KCNH5: variants seen among roughly 807,000 people sequenced by gnomAD.
KCNH5 encodes potassium voltage-gated channel subfamily H member 5.
Under a neutral mutation model 96.1 loss-of-function variants are expected in KCNH5, and 46 were observed. That is an observed-to-expected ratio of 0.48 (90% CI 0.38 to 0.61). The LOEUF (loss-of-function observed/expected upper bound fraction) is 0.61, where lower values mean the gene tolerates loss of function less well. Among genes scored for constraint, KCNH5 ranks in the 20% least tolerant of loss-of-function variants. KCNH5 has a pLI of 0.00. For synonymous variants in KCNH5, 439 were observed against 449.8 expected (o/e 0.98, Z 0.30); for missense variants, 907 against 1,225.8 (o/e 0.74, Z 3.88).
chr14:62,857,295 GA>G (rs1887948583), intron 7 of KCNH5, among the ~76,000 whole-genome samples: 1 of 152,026 alleles, frequency 6.6e-6, no homozygotes, highest in Non-Finnish European at 1.5e-5. Context: ...TTGTTTACTT[GA>G]AAAAATTATA....
At chr14:62,814,780 C>T (rs1405532100) in intron 8 of KCNH5, among the ~76,000 whole-genome samples, 1 of 20,364 alleles carries the variant, frequency 4.9e-5, no homozygotes, top group African/African-American at 1.4e-4. Flanking sequence ...GAGACTCCAT[C>T]TCAAAAAAAA....
At position 62,764,592 on chromosome 14, in the gene KCNH5, G is replaced by C. The variant is rs528878319; in HGVS notation, c.2019+15136C>G. Among the ~76,000 whole-genome samples the C allele has an allele frequency of 1.3e-3, 205 of 152,272 alleles. 1 individual carries two copies. Among genetic ancestry groups the C allele is most frequent in the South Asian group, 1.2e-3 (6 of 4,826 alleles). On this transcript the variant is annotated intron_variant, in intron 10 of 10. Transcript: ENST00000322893. The stretch of plus-strand genomic sequence containing the variant: ...GAGGAAGTCAAACTATCTCTTCCTA[G>C]ATTATATGATTTTATACTTAGAAAC...
At chr14:63,022,472 T>C (rs555062287) in intron 1 of KCNH5, among the ~76,000 whole-genome samples, 145 of 151,786 alleles carry the variant, frequency 9.6e-4, no homozygotes, top group African/African-American at 3.4e-3. Flanking sequence ...TTGTTTGTTT[T>C]TCAAAAAACT....
intron 7 of KCNH5, among the ~76,000 whole-genome samples, chr14:62,861,553 CAT>C (rs201838095): frequency 0.024 from 3,701 of 151,866 alleles, 49 homozygotes; most frequent in Middle Eastern, 0.051. Context: ...GCTGATGACA[CAT>C]GTCTTTGTCG....
chr14:63,009,942 A>G (rs192050390), intron 2 of KCNH5, among the ~76,000 whole-genome samples: 1 of 152,238 alleles, frequency 6.6e-6, no homozygotes. Context: ...ATAATTTTCC[A>G]TAGTTTTCAT....
At chr14:62,910,001 T>C (rs1351234689) in intron 7 of KCNH5, among the ~76,000 whole-genome samples, 3 of 152,142 alleles carry the variant, frequency 2.0e-5, no homozygotes, top group Non-Finnish European at 2.9e-5. Flanking sequence ...TTTTTGAGTG[T>C]TTTGTTCACT....
chr14:62,872,947 G>A (rs575066384), intron 7 of KCNH5, among the ~76,000 whole-genome samples: 36 of 152,130 alleles, frequency 2.4e-4, no homozygotes, highest in Non-Finnish European at 3.7e-4. Flanking sequence ...TCAGGAGATC[G>A]AGACCATCCT....
At chr14:62,843,306 G>A (rs1430752175) in intron 8 of KCNH5, among the ~76,000 whole-genome samples, 1 of 151,810 alleles carries the variant, frequency 6.6e-6, no homozygotes, top group Non-Finnish European at 1.5e-5. Context: ...GGCTGTACTG[G>A]CATGATCATT....
At chr14:62,917,345 G>A (rs1398550861) in intron 7 of KCNH5, among the ~76,000 whole-genome samples, 1 of 146,168 alleles carries the variant, frequency 6.8e-6, no homozygotes, top group Admixed American at 6.9e-5. Flanking sequence ...GGCAGAAATG[G>A]TTTGTTAGGT....
At chr14:63,020,190 A>G (rs1306122027) in intron 1 of KCNH5, among the ~76,000 whole-genome samples, 10 of 152,160 alleles carry the variant, frequency 6.6e-5, no homozygotes, top group African/African-American at 2.4e-4. Context: ...GAGAATCAAG[A>G]ACTAGTGCTC....
intron 8 of KCNH5, among the ~76,000 whole-genome samples, chr14:62,821,534 A>G (rs1175600142): frequency 1.3e-5 from 2 of 152,140 alleles, no homozygotes; most frequent in African/African-American, 4.8e-5. Context: ...GAAAGAGCAT[A>G]TTATGCTCAC....
At chr14:62,962,825 A>G (rs1210457510) in intron 6 of KCNH5, among the ~76,000 whole-genome samples, 2 of 152,184 alleles carry the variant, frequency 1.3e-5, no homozygotes, top group Non-Finnish European at 2.9e-5. Flanking sequence ...AGTTTAAAAG[A>G]GACAATAATT....
chr14:62,861,314 G>A (rs1888028226), intron 7 of KCNH5, among the ~76,000 whole-genome samples: 1 of 150,160 alleles, frequency 6.7e-6, no homozygotes, highest in Middle Eastern at 3.2e-3. Flanking sequence ...CTGTCACCCA[G>A]GCTGGAGTGC....
intron 1 of KCNH5, among the ~76,000 whole-genome samples, chr14:63,036,448 T>G (rs889365332): frequency 6.6e-6 from 1 of 151,810 alleles, no homozygotes; most frequent in Non-Finnish European, 1.5e-5. Context: ...ACCCTAACAC[T>G]TCTAGAGTAA....
At chr14:63,036,764 G>A (rs1002849391) in intron 1 of KCNH5, among the ~76,000 whole-genome samples, 1 of 152,142 alleles carries the variant, frequency 6.6e-6, no homozygotes, top group African/African-American at 2.4e-5. Flanking sequence ...AAAAGGAGAG[G>A]AGGGAGGAGG....
chr14:63,045,383 A>G lies in KCNH5; in HGVS notation c.-197T>C, dbSNP rs1891906110. 1.7e-6 allele frequency: 1 copy of G among 599,064 alleles called. No homozygotes were observed. The highest frequency in any genetic ancestry group is 1.9e-5 in the South Asian group (1 of 51,902). 37.1% of individuals were successfully genotyped at this position (599,064 alleles called of 1,614,324 possible). ...GCAGCTCTGGGGAGGAGGACCAGGC[A>G]GTTCATGGTAGTAGCGCTCCCCCGG... On this transcript the variant is annotated 5_prime_UTR_variant, in exon 1 of 11. Coordinates refer to ENST00000322893, the MANE Select transcript of KCNH5 (RefSeq NM_139318.5).
At chr14:62,950,039 G>A (rs902518280) in intron 7 of KCNH5, 94 bp downstream of exon 7, 3 of 1,054,900 alleles carry the variant, frequency 2.8e-6, no homozygotes, top group Non-Finnish European at 1.4e-6. Flanking sequence ...ATACCTTTCT[G>A]TAAACAAAGT....
intron 10 of KCNH5, among the ~76,000 whole-genome samples, chr14:62,732,411 A>G (rs1484893183): frequency 2.6e-5 from 4 of 152,168 alleles, no homozygotes; most frequent in South Asian, 2.1e-4. Context: ...TCCTTATATC[A>G]TAAAGTAGCT....
At chr14:62,854,182 C>T (rs111983091) in intron 7 of KCNH5, among the ~76,000 whole-genome samples, 17 of 151,470 alleles carry the variant, frequency 1.1e-4, no homozygotes, top group African/African-American at 3.6e-4. Flanking sequence ...TTTATTTATT[C>T]ATTTATTATC....
Sources: gnomAD v4.1 joint callset for allele counts (sites outside exome capture counted in the v4.1 genomes callset) on GRCh38, gnomAD v4.1.1 for gene constraint, MANE v1.5 for transcripts, NCBI Gene and HGNC (gene_info 2026-07-23, HGNC 2026-07-21) for gene names.